CDCP1: variants seen among roughly 807,000 people sequenced by gnomAD.
CDCP1 encodes the protein CUB domain-containing protein 1.
In CDCP1, 29 loss-of-function variants were observed where a neutral mutation model predicts 60.2. The ratio of observed to expected loss-of-function variants is 0.48; its 90% CI spans 0.36 to 0.66. The LOEUF is 0.66. CDCP1 is among the 30% of genes least tolerant of loss of function. CDCP1 has a pLI of 0.00. For missense variants in CDCP1, 876 were observed against 1,074.3 expected (o/e 0.82, Z 2.58); for synonymous variants, 387 against 431.1 (o/e 0.90, Z 1.27).
chr3:45,115,377 G>C (rs1576101763), intron 2 of CDCP1, among the ~76,000 whole-genome samples: 3 of 152,326 alleles, frequency 2.0e-5, no homozygotes, highest in African/African-American at 7.2e-5. Flanking sequence ...CTGTATGATT[G>C]TGTGTGCATG....
chr3:45,146,195 CCGGCACTCACCTGCCCCGCG>C lies in CDCP1; in HGVS notation c.73_82+10del. On this transcript the variant is annotated splice_donor_variant and splice_donor_5th_base_variant and coding_sequence_variant and intron_variant, in exon 1 of 9. Transcript: ENST00000296129. LOFTEE classifies it high-confidence loss of function. ...ACTCCACGCCATCCGCCTCCAAAGCCCGGCACTCACCTGCCCCGCGCGGCAGGCGCGCCGCACCCAGCAGC... is the reference window on the plus strand; with the variant it reads ...ACTCCACGCCATCCGCCTCCAAAGCCCGGCAGGCGCGCCGCACCCAGCAGC... The C allele has an allele frequency of 6.3e-7, 1 of 1,585,460 alleles. No homozygotes were observed. Among genetic ancestry groups the C allele is most frequent in the Non-Finnish European group, 8.6e-7 (1 of 1,169,138 alleles).
At chr3:45,124,726 C>T (rs542886330) in intron 1 of CDCP1, among the ~76,000 whole-genome samples, 10 of 152,264 alleles carry the variant, frequency 6.6e-5, no homozygotes, top group East Asian at 3.9e-4. Context: ...TCAGATAAGT[C>T]GTGATATGCT....
chr3:45,085,837 AC>A lies in CDCP1; in HGVS notation c.2311del (p.Val771SerfsTer46). ...TYRPFQGTMG[V>X]CPPSPPTICS... is the part of the protein sequence containing the mutation. ...TATGGTGGGTGGGGAGGGAGGACAG[AC>A]CCCCATGGTGCCCTGGAACGGCCGG... On this transcript the variant is annotated frameshift_variant, in exon 9 of 9. Transcript: ENST00000296129. LOFTEE classifies it low-confidence loss of function (END_TRUNC). The surrounding 1 kb of genome is among the most constrained non-coding windows in gnomAD (Gnocchi z 4.2). 6.2e-7 allele frequency: 1 copy of A among 1,613,454 alleles called. No individual in the cohort carries two copies.
intron 4 of CDCP1, among the ~76,000 whole-genome samples, chr3:45,107,064 C>G (rs761981490): frequency 2.6e-5 from 4 of 152,202 alleles, no homozygotes; most frequent in Non-Finnish European, 5.9e-5. Flanking sequence ...GTATTCCTAC[C>G]AGCTGCGGTC....
intron 1 of CDCP1, among the ~76,000 whole-genome samples, chr3:45,119,449 A>T (rs1698845972): frequency 6.6e-6 from 1 of 152,158 alleles, no homozygotes; most frequent in Non-Finnish European, 1.5e-5. Context: ...GATTCTGATT[A>T]TGAGTCTCCG....
chr3:45,118,536 A>G lies in CDCP1; in HGVS notation c.168T>C (p.Cys56=), dbSNP rs756325592. Residue 56 remains cysteine (C), a synonymous_variant, in exon 2 of 9, where the codon TGT becomes TGC. Transcript: ENST00000296129. ...LGTPTLLAKP[C]YIVISKRHIT... ...TATGTCTTTTAGAAATGACGATGTA[A>G]CAGGGTTTTGCCAGCAGAGTCGGGG... 1.2e-6 allele frequency: 2 copies of G among 1,614,204 alleles called. No individual in the cohort carries two copies. Among genetic ancestry groups the G allele is most frequent in the Admixed American group, 1.7e-5 (1 of 60,020 alleles).
chr3:45,124,688 A>G (rs1275541843), intron 1 of CDCP1, among the ~76,000 whole-genome samples: 1 of 152,136 alleles, frequency 6.6e-6, no homozygotes, highest in Non-Finnish European at 1.5e-5. Flanking sequence ...CCATCCATGG[A>G]GCAGATCCCT....
intron 4 of CDCP1, among the ~76,000 whole-genome samples, chr3:45,099,912 T>G (rs72879987): frequency 0.033 from 4,948 of 152,172 alleles, 250 homozygotes; most frequent in African/African-American, 0.11. Context: ...TGATTTTTAG[T>G]TTTTTCTCCC....
At position 45,093,999 on chromosome 3, in the gene CDCP1, C is replaced by T. The variant is rs1018858967; in HGVS notation, c.1247-342G>A. ...GGGGCAGGGCACAGGTTTCACTCCA[C>T]CCAGACGTGTTGCTCAGGAGGCAGT... On this transcript the variant is annotated intron_variant, in intron 5 of 8. Coordinates refer to ENST00000296129, the MANE Select transcript of CDCP1 (RefSeq NM_022842.5). Among the ~76,000 whole-genome samples the T allele has an allele frequency of 2.6e-5, 4 of 152,224 alleles. No homozygotes were observed. The East Asian group carries it at 7.7e-4, about 29-fold the overall frequency.
chr3:45,118,243 C>A (rs1288454012), intron 2 of CDCP1, among the ~76,000 whole-genome samples, 169 bp downstream of exon 2: 1 of 152,152 alleles, frequency 6.6e-6, no homozygotes, highest in East Asian at 1.9e-4. Flanking sequence ...CTGTGTAACG[C>A]ATTTAGAACT....
chr3:45,100,072 T>G (rs2125992900), intron 4 of CDCP1, among the ~76,000 whole-genome samples: 1 of 152,356 alleles, frequency 6.6e-6, no homozygotes, highest in African/African-American at 2.4e-5. Context: ...TAGCTCTGCT[T>G]GTTGACTGGG....
chr3:45,124,364 G>T (rs1179292767), intron 1 of CDCP1, among the ~76,000 whole-genome samples: 1 of 152,092 alleles, frequency 6.6e-6, no homozygotes, highest in Non-Finnish European at 1.5e-5. Flanking sequence ...CTCAATTCTG[G>T]GTGTGGTTGC....
chr3:45,116,186 T>C (rs1236544692), intron 2 of CDCP1, among the ~76,000 whole-genome samples: 1 of 150,414 alleles, frequency 6.6e-6, no homozygotes, highest in Non-Finnish European at 1.5e-5. Flanking sequence ...ATTCCTGATT[T>C]ACTAAGAGTG....
At chr3:45,092,058 G>C (rs1212450336) in intron 6 of CDCP1, among the ~76,000 whole-genome samples, 1 of 152,206 alleles carries the variant, frequency 6.6e-6, no homozygotes, top group Non-Finnish European at 1.5e-5. Context: ...GCCTCCCAAA[G>C]AGCCGGGATT....
At chr3:45,099,668 T>C (rs763713180) in intron 4 of CDCP1, among the ~76,000 whole-genome samples, 2 of 152,112 alleles carry the variant, frequency 1.3e-5, no homozygotes, top group Non-Finnish European at 2.9e-5. Flanking sequence ...TTCTCTTTCT[T>C]TCTATCGCGC....
At chr3:45,095,099 A>C (rs560568739) in intron 5 of CDCP1, among the ~76,000 whole-genome samples, 14 of 152,066 alleles carry the variant, frequency 9.2e-5, no homozygotes, top group East Asian at 3.9e-4. Flanking sequence ...ATGCCCAGCT[A>C]ATTTTTGTAT....
At chr3:45,142,911 A>G (rs1699317872) in intron 1 of CDCP1, among the ~76,000 whole-genome samples, 1 of 152,216 alleles carries the variant, frequency 6.6e-6, no homozygotes, top group Non-Finnish European at 1.5e-5. Context: ...AATAGTTAAG[A>G]ATGTTCAGAA....
chr3:45,132,949 A>C (rs943682352), intron 1 of CDCP1, among the ~76,000 whole-genome samples: 2 of 152,232 alleles, frequency 1.3e-5, no homozygotes, highest in African/African-American at 4.8e-5. Context: ...GTTGAACGGT[A>C]CTGTTAACTT....
Position 45,121,157 on chromosome 3 carries a change from G to A in CDCP1, c.83-2536C>T, listed in dbSNP as rs183448762. Reference sequence around the variant, plus strand: ...ACTACCATTCCCATATTTTACTTTCGGCTAATAAATCCTGGCAAGAACAAG... The same window carrying A: ...ACTACCATTCCCATATTTTACTTTCAGCTAATAAATCCTGGCAAGAACAAG... On this transcript the variant is annotated intron_variant, in intron 1 of 8. Transcript: ENST00000296129. Among the ~76,000 whole-genome samples, 618 of 152,112 alleles carry A rather than the reference G, an allele frequency of 4.1e-3. 2 individuals carry two copies. The highest frequency in any genetic ancestry group is 0.014 in the Middle Eastern group (4 of 294).
Sources: gnomAD v4.1 joint callset for allele counts (sites outside exome capture counted in the v4.1 genomes callset) on GRCh38, gnomAD v4.1.1 for gene constraint, Gnocchi (gnomAD v3.1) non-coding constraint, MANE v1.5 for transcripts, NCBI Gene and HGNC (gene_info 2026-07-23, HGNC 2026-07-21) for gene names.